NIBAN1: variants seen among roughly 807,000 people sequenced by gnomAD.
NIBAN1 encodes the protein niban apoptosis regulator 1.
NIBAN1 carries 81 observed loss-of-function variants against 75.1 expected under a neutral mutation model. That is an observed-to-expected ratio of 1.08 (90% confidence interval 0.90 to 1.30). The LOEUF is 1.30. NIBAN1 is among the 50% of genes most tolerant of loss of function. The pLI, the probability that NIBAN1 is intolerant of heterozygous loss-of-function variation, is 0.00. For synonymous variants in NIBAN1, 436 were observed against 424.8 expected (o/e 1.03, Z -0.32); for missense variants, 1,133 against 1,128.1 (o/e 1.00, Z -0.06).
At chr1:184,939,286 G>A (rs1011160264) in intron 1 of NIBAN1, among the ~76,000 whole-genome samples, 1 of 152,190 alleles carries the variant, frequency 6.6e-6, no homozygotes, top group Non-Finnish European at 1.5e-5. Flanking sequence ...CTTCCAGGGG[G>A]AGTAACTGGA....
intron 1 of NIBAN1, among the ~76,000 whole-genome samples, chr1:184,921,562 G>C (rs748580874): frequency 1.3e-5 from 2 of 152,160 alleles, no homozygotes; most frequent in Non-Finnish European, 2.9e-5. Context: ...TCATTTTTGA[G>C]TGGATAAGAA....
rs1264509828 is a variant in NIBAN1, at chr1:184,793,684, T to C, written c.*1293A>G. ...AAAAGAACAACTCCTTTTAATCTTT[T>C]GGAAGCAAGTCTCTTCCATTTTCAA... On this transcript the variant is annotated 3_prime_UTR_variant, in exon 14 of 14. Transcript: ENST00000367511. The C allele has an allele frequency of 1.3e-5, 2 of 152,272 alleles. No homozygotes were observed. Among genetic ancestry groups the C allele is most frequent in the Non-Finnish European group, 2.9e-5 (2 of 68,052 alleles). The allele number at this position is 152,272 out of a possible 1,614,324, so 9.4% of individuals were successfully genotyped here. A position where few individuals can be genotyped will look rare whatever the true frequency, so the allele number is the denominator to read the frequency against.
intron 5 of NIBAN1, chr1:184,868,120 T>C: frequency 1.1e-6 from 1 of 907,564 alleles, no homozygotes; most frequent in Non-Finnish European, 1.3e-6. Flanking sequence ...TTGCTTTCAT[T>C]GCTCCTTCCT....
At chr1:184,833,420 A>G (rs1274591354) in intron 5 of NIBAN1, among the ~76,000 whole-genome samples, 1 of 152,038 alleles carries the variant, frequency 6.6e-6, no homozygotes, top group Non-Finnish European at 1.5e-5. Context: ...AATGTGGAAC[A>G]GTGGCCAGGC....
intron 5 of NIBAN1, among the ~76,000 whole-genome samples, chr1:184,834,190 A>G (rs1655077589): frequency 6.6e-6 from 1 of 152,078 alleles, no homozygotes; most frequent in African/African-American, 2.4e-5. Context: ...ACATGAACTC[A>G]TCCTTTTTTA....
chr1:184,843,901 C>T (rs993946459), intron 5 of NIBAN1, among the ~76,000 whole-genome samples: 1 of 152,190 alleles, frequency 6.6e-6, no homozygotes, highest in African/African-American at 2.4e-5. Flanking sequence ...TCTTTCAGCT[C>T]AGACCACAGA....
intron 6 of NIBAN1, among the ~76,000 whole-genome samples, chr1:184,827,948 G>GTT (rs1447395203): frequency 8.0e-6 from 1 of 124,794 alleles, no homozygotes. Flanking sequence ...AATGCGGGTA[G>GTT]TTTTGTTTTT....
chr1:184,879,814 C>A (rs1656330801), intron 5 of NIBAN1, among the ~76,000 whole-genome samples: 1 of 152,206 alleles, frequency 6.6e-6, no homozygotes, highest in African/African-American at 2.4e-5. Flanking sequence ...ACTGTTATAG[C>A]TCCACATTCC....
chr1:184,808,114 A>G lies in NIBAN1; in HGVS notation c.1295T>C (p.Ile432Thr), dbSNP rs146234919. Residue 432 changes from isoleucine (I) to threonine (T), a missense_variant, in exon 10 of 14, where the codon ATT (isoleucine) becomes ACT (threonine). Transcript: ENST00000367511. The stretch of plus-strand genomic sequence containing the variant: ...CTGTGTCCTCTGAACCACCAGATCA[A>G]TGTGGGGGAATCTGAAGCGGCTCTT... ...DLKSRFRFPH[I>T]DLVVQRTQNY... 76 of 1,613,860 alleles carry G rather than the reference A, an allele frequency of 4.7e-5. No homozygotes were observed. The highest frequency in any genetic ancestry group is 5.9e-5 in the Non-Finnish European group (70 of 1,179,950).
chr1:184,914,365 T>G (rs1657326026), intron 1 of NIBAN1, among the ~76,000 whole-genome samples: 2 of 152,236 alleles, frequency 1.3e-5, no homozygotes, highest in Admixed American at 6.5e-5. Context: ...CAAGAAAGGT[T>G]ATTACTCGCA....
intron 1 of NIBAN1, among the ~76,000 whole-genome samples, chr1:184,966,923 A>T (rs755323814): frequency 6.6e-6 from 1 of 152,224 alleles, no homozygotes; most frequent in South Asian, 2.1e-4. Context: ...GACTCATTCC[A>T]TACAACATCA....
At chr1:184,840,669 A>G (rs1463357244) in intron 5 of NIBAN1, among the ~76,000 whole-genome samples, 5 of 151,334 alleles carry the variant, frequency 3.3e-5, no homozygotes, top group African/African-American at 1.2e-4. Flanking sequence ...GACTACTAGA[A>G]CAAGTGAAGA....
In NIBAN1 at chr1:184,795,673, C is replaced by T; in HGVS notation, c.2091G>A (p.Gln697=). 6.2e-7 allele frequency: 1 copy of T among 1,614,150 alleles called. No homozygotes were observed. The highest frequency in any genetic ancestry group is 8.5e-7 in the Non-Finnish European group (1 of 1,180,026). ...AGGCAGTGATGGGTTCTGGCTCTTC[C>T]TGGGCGGGTTCTTCATCCTCAAGGG... ...GGTLEDEEPA[Q]EEPEPITASG... Residue 697 remains glutamine, a synonymous_variant, in exon 14 of 14, where the codon CAG becomes CAA. Transcript: ENST00000367511.
At chr1:184,889,569 G>A (rs1448733222) in intron 4 of NIBAN1, among the ~76,000 whole-genome samples, 2 of 152,060 alleles carry the variant, frequency 1.3e-5, no homozygotes, top group Non-Finnish European at 2.9e-5. Flanking sequence ...GTCCAGGCTT[G>A]CTTACTAGAA....
At chr1:184,852,683 G>T (rs996249486) in intron 5 of NIBAN1, among the ~76,000 whole-genome samples, 1 of 152,204 alleles carries the variant, frequency 6.6e-6, no homozygotes, top group African/African-American at 2.4e-5. Flanking sequence ...ATTGACATTT[G>T]GTTGGTGCTT....
intron 1 of NIBAN1, among the ~76,000 whole-genome samples, chr1:184,961,177 T>G (rs1658632496): frequency 6.9e-6 from 1 of 145,558 alleles, no homozygotes; most frequent in Admixed American, 6.9e-5. Flanking sequence ...CACGCCATTC[T>G]CCTGCTTCAG....
At chr1:184,828,786 T>C (rs1383338556) in intron 6 of NIBAN1, among the ~76,000 whole-genome samples, 1 of 149,812 alleles carries the variant, frequency 6.7e-6, no homozygotes, top group African/African-American at 2.5e-5. Flanking sequence ...CCAAAACACT[T>C]AAATTCTGAG....
At chr1:184,945,872 G>A (rs965996956) in intron 1 of NIBAN1, among the ~76,000 whole-genome samples, 1 of 151,988 alleles carries the variant, frequency 6.6e-6, no homozygotes, top group African/African-American at 2.4e-5. Flanking sequence ...GAGTCAAATA[G>A]CATCCATCTG....
At chr1:184,840,977 G>A (rs1005415194) in intron 5 of NIBAN1, among the ~76,000 whole-genome samples, 5 of 151,466 alleles carry the variant, frequency 3.3e-5, no homozygotes, top group African/African-American at 1.2e-4. Flanking sequence ...GTGTGTGTGT[G>A]TATGTGTATT....
Sources: gnomAD v4.1 joint callset for allele counts (sites outside exome capture counted in the v4.1 genomes callset) on GRCh38, gnomAD v4.1.1 for gene constraint, MANE v1.5 for transcripts, NCBI Gene and HGNC (gene_info 2026-07-23, HGNC 2026-07-21) for gene names.